CNTN1: variants seen among roughly 807,000 people sequenced by gnomAD.
CNTN1 encodes the protein contactin-1.
In CNTN1, 38 loss-of-function variants were observed where a neutral mutation model predicts 126.4. That is an observed-to-expected ratio of 0.30 (90% CI 0.23 to 0.39). CNTN1 has a LOEUF of 0.39. Among genes scored for constraint, CNTN1 ranks in the 10% least tolerant of loss-of-function variants. The pLI is 1.00. For missense variants in CNTN1, 1,009 were observed against 1,248.4 expected, an observed-to-expected ratio of 0.81 and a Z score of 2.89; for synonymous variants, 413 against 422.6, an observed-to-expected ratio of 0.98 and a Z score of 0.28.
chr12:40,967,077 G>C (rs903623242), intron 15 of CNTN1, among the ~76,000 whole-genome samples: 3 of 152,046 alleles, frequency 2.0e-5, no homozygotes, highest in Admixed American at 2.0e-4. Context: ...AGAGGCAGGA[G>C]AATTGCTTGA....
chr12:41,002,168 G>A (rs1449039184), intron 17 of CNTN1, among the ~76,000 whole-genome samples: 1 of 152,164 alleles, frequency 6.6e-6, no homozygotes, highest in South Asian at 2.1e-4. Flanking sequence ...TTCTAGTTCT[G>A]TGAAGAATCT....
chr12:40,908,400 G>A lies in CNTN1; in HGVS notation c.-33G>A, dbSNP rs558395355. On this transcript the variant is annotated 5_prime_UTR_variant, in exon 2 of 24. Transcript: ENST00000551295. ...CTGCCATAGAGCTAAATTCTTTTTT[G>A]GAAAATTGAACCGAACTTCTACTGA... The A allele has an allele frequency of 6.9e-6, 11 of 1,592,084 alleles. No individual in the cohort carries two copies. In the South Asian group the frequency reaches 7.8e-5, roughly 11 times the overall value.
chr12:40,939,782 T>C (rs1946202684), intron 12 of CNTN1, among the ~76,000 whole-genome samples: 1 of 152,128 alleles, frequency 6.6e-6, no homozygotes, highest in Non-Finnish European at 1.5e-5. Flanking sequence ...TAATAAACAA[T>C]GGGAAATAAA....
chr12:40,984,923 G>T (rs1947916113), intron 16 of CNTN1, among the ~76,000 whole-genome samples: 1 of 151,934 alleles, frequency 6.6e-6, no homozygotes, highest in East Asian at 1.9e-4. Flanking sequence ...GTTAAGAGAA[G>T]ATAGAAGAAA....
At chr12:40,768,571 A>G (rs1939215576) in intron 1 of CNTN1, among the ~76,000 whole-genome samples, 1 of 152,212 alleles carries the variant, frequency 6.6e-6, no homozygotes, top group African/African-American at 2.4e-5. Context: ...TAACAAAGCA[A>G]GGTTATTTTC....
chr12:40,842,202 C>T (rs1290871367), intron 1 of CNTN1, among the ~76,000 whole-genome samples: 2 of 151,932 alleles, frequency 1.3e-5, no homozygotes, highest in African/African-American at 4.8e-5. Flanking sequence ...TGCATGTACC[C>T]TGCTGAAATA....
chr12:40,756,282 G>C (rs1027511140), intron 1 of CNTN1, among the ~76,000 whole-genome samples: 5 of 152,058 alleles, frequency 3.3e-5, no homozygotes, highest in Non-Finnish European at 5.9e-5. Flanking sequence ...AAGGAACTTA[G>C]AGCGAGTGAT....
At chr12:41,046,853 T>C (rs1374625098) in intron 23 of CNTN1, among the ~76,000 whole-genome samples, 7 of 144,938 alleles carry the variant, frequency 4.8e-5, no homozygotes, top group East Asian at 3.9e-4. Flanking sequence ...ATTTCTTTTT[T>C]TTTTTTTTTT....
At chr12:40,969,531 A>G (rs112787627) in intron 15 of CNTN1, among the ~76,000 whole-genome samples, 85 of 152,294 alleles carry the variant, frequency 5.6e-4, no homozygotes, top group Admixed American at 1.1e-3. Flanking sequence ...GTGCTTTTCC[A>G]TCATCATGTT....
intron 1 of CNTN1, among the ~76,000 whole-genome samples, chr12:40,736,254 C>T (rs543303098): frequency 1.2e-4 from 18 of 152,054 alleles, no homozygotes; most frequent in African/African-American, 4.3e-4. Flanking sequence ...AATACATAGG[C>T]ACAAGTAAAA....
chr12:40,775,937 T>A (rs974658190), intron 1 of CNTN1, among the ~76,000 whole-genome samples: 2 of 151,506 alleles, frequency 1.3e-5, no homozygotes, highest in Non-Finnish European at 1.5e-5. Context: ...ACTTCATGAG[T>A]CAATTACAGA....
Position 40,989,347 on chromosome 12 carries a change from T to G in CNTN1, c.1964-3773T>G, listed in dbSNP as rs569519042. On this transcript the variant is annotated intron_variant, in intron 16 of 23. Coordinates refer to ENST00000551295, the MANE Select transcript of CNTN1 (RefSeq NM_001843.4). ...ATGTGTTTTAAAAGTAAAACCATGT[T>G]TTTAAAAAGCATACAAAGCGGCAGT... Among the ~76,000 whole-genome samples the G allele has an allele frequency of 9.8e-5, 15 of 152,294 alleles. No homozygotes were observed. In the Middle Eastern group the frequency reaches 0.01, roughly 104 times the overall value.
At chr12:40,979,114 G>T (rs189442947) in intron 15 of CNTN1, 216 of 152,146 alleles carry the variant, frequency 1.4e-3, no homozygotes, top group African/African-American at 4.9e-3. Flanking sequence ...AATGTGTTCT[G>T]TTATGTGTCT....
At chr12:40,824,297 A>AT (rs1189125935) in intron 1 of CNTN1, among the ~76,000 whole-genome samples, 5 of 152,102 alleles carry the variant, frequency 3.3e-5, no homozygotes, top group Non-Finnish European at 4.4e-5. Flanking sequence ...TTATCATGTA[A>AT]TGTCCTCCCT....
At chr12:40,770,906 AAGC>A (rs1298889953) in intron 1 of CNTN1, among the ~76,000 whole-genome samples, 1 of 152,104 alleles carries the variant, frequency 6.6e-6, no homozygotes, top group Non-Finnish European at 1.5e-5. Context: ...ACAATGAAAT[AAGC>A]AGGGGCGGGT....
At chr12:40,975,558 G>GC (rs961989957) in intron 15 of CNTN1, among the ~76,000 whole-genome samples, 2 of 152,004 alleles carry the variant, frequency 1.3e-5, no homozygotes, top group Non-Finnish European at 2.9e-5. Flanking sequence ...ATTTTTGTAT[G>GC]CCCCATAGGT....
At chr12:40,836,861 G>A (rs888495791) in intron 1 of CNTN1, among the ~76,000 whole-genome samples, 1 of 152,162 alleles carries the variant, frequency 6.6e-6, no homozygotes, top group Non-Finnish European at 1.5e-5. Flanking sequence ...ATCCTCTCCA[G>A]AACACTATGA....
chr12:40,972,012 AT>A (rs1420704335), intron 15 of CNTN1: 1 of 986,972 alleles, frequency 1.0e-6, no homozygotes, highest in Non-Finnish European at 1.2e-6. Context: ...TCCTAGTACC[AT>A]ACATATTCTT....
At chr12:40,879,704 C>G (rs920185415) in intron 1 of CNTN1, among the ~76,000 whole-genome samples, 1 of 151,972 alleles carries the variant, frequency 6.6e-6, no homozygotes, top group Non-Finnish European at 1.5e-5. Context: ...TCTTGATTTC[C>G]TATGTATAGG....
Sources: gnomAD v4.1 joint callset for allele counts (sites outside exome capture counted in the v4.1 genomes callset) on GRCh38, gnomAD v4.1.1 for gene constraint, MANE v1.5 for transcripts, NCBI Gene and HGNC (gene_info 2026-07-23, HGNC 2026-07-21) for gene names.